ANXA6: variants seen among roughly 807,000 people sequenced by gnomAD.
ANXA6 encodes the protein annexin A6, also known as 67 kDa calelectrin.
ANXA6 carries 71 observed loss-of-function variants against 95.4 expected under a neutral mutation model. That is an observed-to-expected ratio of 0.74 (90% CI 0.61 to 0.91). The LOEUF is 0.91. Among genes scored for constraint, ANXA6 ranks in the 40% least tolerant of loss-of-function variants. The pLI, the probability that ANXA6 is intolerant of heterozygous loss-of-function variation, is 0.00. For synonymous variants in ANXA6, 289 were observed against 315.9 expected (o/e 0.91, Z 0.90); for missense variants, 830 against 876.4 (o/e 0.95, Z 0.67).
rs182245079 is a variant in ANXA6 at position 151,152,460 on chromosome 5, G to C, written c.-25-4534C>G. On this transcript the variant is annotated intron_variant, in intron 1 of 25. Transcript: ENST00000354546. ...CAAGTTATGGAATTTCTCTGCCTCA[G>C]TTTCTTCATCCTGAAATGACCCTCT... Among the ~76,000 whole-genome samples the C allele has an allele frequency of 1.3e-3, 195 of 152,300 alleles. 2 individuals carry two copies. The highest frequency in any genetic ancestry group is 1.9e-3 in the Non-Finnish European group (131 of 68,024).
chr5:151,113,442 G>T (rs7735767), intron 20 of ANXA6, among the ~76,000 whole-genome samples: 11,541 of 152,070 alleles, frequency 0.076, 541 homozygotes, highest in South Asian at 0.16. Flanking sequence ...TGGTAAAGTT[G>T]ATATGTATTT....
At chr5:151,113,604 T>A (rs1764914412) in intron 20 of ANXA6, among the ~76,000 whole-genome samples, 1 of 152,028 alleles carries the variant, frequency 6.6e-6, no homozygotes, top group African/African-American at 2.4e-5. Flanking sequence ...ACATACTCGG[T>A]TTTTCAAAGC....
At chr5:151,139,562 C>A in intron 3 of ANXA6, 115 bp from the exon 4 acceptor site, 3 of 720,906 alleles carry the variant, frequency 4.2e-6, no homozygotes, top group South Asian at 3.0e-5. Flanking sequence ...TCAGCATGAG[C>A]CTTCCACTCA....
chr5:151,133,225 A>G (rs1008482100), intron 8 of ANXA6, 38 bp from the exon 9 acceptor site: 3 of 1,467,122 alleles, frequency 2.0e-6, no homozygotes, highest in South Asian at 1.2e-5. Flanking sequence ...GAAAGAGGAA[A>G]CCTCAGGAGA....
intron 12 of ANXA6, among the ~76,000 whole-genome samples, chr5:151,128,609 A>C (rs1765398233): frequency 6.6e-6 from 1 of 152,224 alleles, no homozygotes; most frequent in East Asian, 1.9e-4. Flanking sequence ...TCCACATGAA[A>C]TATGCATGGA....
At chr5:151,131,150 G>T in intron 11 of ANXA6, 81 bp downstream of exon 11, 1 of 1,473,168 alleles carries the variant, frequency 6.8e-7, no homozygotes, top group Non-Finnish European at 9.5e-7. Flanking sequence ...GGCTCTCTTT[G>T]GCCACTGGAT....
intron 25 of ANXA6, 134 bp from the exon 26 acceptor site, chr5:151,101,641 T>A: frequency 1.3e-6 from 1 of 767,742 alleles, no homozygotes. Flanking sequence ...ATGCCACATG[T>A]AGGCTACTGG....
rs1161768651 is a variant in ANXA6 at position 151,136,314 on chromosome 5, G to C, written c.431C>G (p.Ala144Gly). Residue 144 changes from alanine to glycine, a missense_variant, in exon 7 of 26, where the codon GCT (alanine) becomes GGT (glycine). Physicochemically the swap from Ala to Gly is moderately conservative, Grantham distance 60 (BLOSUM62 0). Coordinates refer to ENST00000354546, the MANE Select transcript of ANXA6 (RefSeq NM_001155.5). Reference sequence around the variant, plus strand: ...GCCAGAGGTGTCGCCGATGATGTCAGCCTCCAGGTCCCGCTCGTAGGCTGC... The same window carrying C: ...GCCAGAGGTGTCGCCGATGATGTCACCCTCCAGGTCCCGCTCGTAGGCTGC... ...YKDAYERDLE[A>G]DIIGDTSGHF... 1 of 1,613,928 alleles carries C rather than the reference G, an allele frequency of 6.2e-7. No homozygotes were observed. The highest frequency in any genetic ancestry group is 1.7e-5 in the Admixed American group (1 of 60,024).
intron 1 of ANXA6, among the ~76,000 whole-genome samples, chr5:151,153,777 A>G (rs558775762): frequency 1.3e-5 from 2 of 152,304 alleles, no homozygotes; most frequent in Non-Finnish European, 2.9e-5. Context: ...TTTTGTCTCT[A>G]ATTGCACATT....
rs186458377 is a variant in ANXA6 at position 151,125,528 on chromosome 5, G to T, written c.1056+874C>A. 1.7e-3 allele frequency among the ~76,000 whole-genome samples: 266 copies of T among 152,228 alleles called. 2 individuals are homozygous for T. Among genetic ancestry groups the T allele is most frequent in the Admixed American group, 3.0e-3 (46 of 15,282 alleles). On this transcript the variant is annotated intron_variant, in intron 14 of 25. Transcript: ENST00000354546. ...CTTGCCAGAAGCTCTGAAACTTAAA[G>T]CGAGCTCTCTCAGCTTTCTCTTTGT...
chr5:151,100,959 C>T lies in ANXA6; in HGVS notation c.*489G>A, dbSNP rs11960458. ...AAATTCCTGGTCCAGTACTCTAGCG[C>T]GGCCTGGATGGAGATGGGTGGTGAA... On this transcript the variant is annotated 3_prime_UTR_variant, in exon 26 of 26. Coordinates refer to ENST00000354546, the MANE Select transcript of ANXA6 (RefSeq NM_001155.5). The T allele has an allele frequency of 0.22, 99,281 of 456,712 alleles. 12,618 individuals are homozygous for T. The highest frequency in any genetic ancestry group is 0.43 in the East Asian group (6,152 of 14,418). 28.3% of individuals were successfully genotyped at this position (456,712 alleles called of 1,614,324 possible).
chr5:151,114,613 TAAAAAAAAAAA>T lies in ANXA6; in HGVS notation c.1572+2503_1572+2513del, dbSNP rs61407672. On this transcript the variant is annotated intron_variant, in intron 20 of 25. Transcript: ENST00000354546. ...TGGGCAACAGAGCGAGACTCCGTCT[TAAAAAAAAAAA>T]AAAAAAAAAAAAAAAAAAAAAGTCT... 7.0e-3 allele frequency among the ~76,000 whole-genome samples: 489 copies of T among 70,322 alleles called. 7 individuals carry two copies. Among genetic ancestry groups the T allele is most frequent in the African/African-American group, 0.024 (458 of 18,964 alleles). 46.1% of individuals were successfully genotyped at this position (70,322 alleles called of 152,430 possible).
chr5:151,126,717 A>G (rs1581997281), intron 13 of ANXA6, among the ~76,000 whole-genome samples: 1 of 107,166 alleles, frequency 9.3e-6, no homozygotes, highest in East Asian at 2.8e-4. Flanking sequence ...TGCCTTTTTT[A>G]TTTTTTATTT....
chr5:151,142,309 T>C (rs10454994), intron 2 of ANXA6, among the ~76,000 whole-genome samples: 68,420 of 151,908 alleles, frequency 0.45, 16,813 homozygotes, highest in East Asian at 0.72. Flanking sequence ...GAAACCCTGT[T>C]TCAGCTAAAA....
In ANXA6 at chr5:151,117,184, C is replaced by A. The variant is rs1765025522; in HGVS notation, c.1519-4G>T. 3 of 1,588,772 alleles carry A rather than the reference C, an allele frequency of 1.9e-6. No homozygotes were observed. The highest frequency in any genetic ancestry group is 2.6e-6 in the Non-Finnish European group (3 of 1,165,134). On this transcript the variant is annotated splice_region_variant and splice_polypyrimidine_tract_variant and intron_variant, in intron 19 of 25. Transcript: ENST00000354546. ...CTCCTCCCTCCTCACGATGCCCCTG[C>A]AGCAGGAGCAGCAAGAAAGTTCAGT...
Position 151,101,250 on chromosome 5 carries a change from G to A in ANXA6, c.*198C>T, listed in dbSNP as rs377746514. The stretch of plus-strand genomic sequence containing the variant: ...GATCTATGGCTACGGTTTTTCAGCC[G>A]CTCAGCCGTGCTGGGCCCTCGATGG... On this transcript the variant is annotated 3_prime_UTR_variant, in exon 26 of 26. Coordinates refer to ENST00000354546, the MANE Select transcript of ANXA6 (RefSeq NM_001155.5). 26 of 627,414 alleles carry A rather than the reference G, an allele frequency of 4.1e-5. No homozygotes were observed. Among genetic ancestry groups the A allele is most frequent in the South Asian group, 1.9e-5 (1 of 53,756 alleles). 38.9% of individuals were successfully genotyped at this position (627,414 alleles called of 1,614,324 possible). A position where few individuals can be genotyped will look rare whatever the true frequency, so the allele number is the denominator to read the frequency against.
chr5:151,137,742 T>G (rs1765709604), intron 5 of ANXA6, among the ~76,000 whole-genome samples: 1 of 152,092 alleles, frequency 6.6e-6, no homozygotes. Flanking sequence ...CCTCTTTGCC[T>G]TCTGCCAAGA....
intron 12 of ANXA6, 87 bp from the exon 13 acceptor site, chr5:151,128,326 A>G: frequency 8.7e-7 from 1 of 1,155,454 alleles, no homozygotes; most frequent in Non-Finnish European, 1.3e-6. Flanking sequence ...AGCCTGAAAG[A>G]GGGGAAGGCT....
In ANXA6 at chr5:151,101,330, A is replaced by ACCCCCCCCCCCCCCCCCCCCCCCCCC; in HGVS notation, c.*117_*118insGGGGGGGGGGGGGGGGGGGGGGGGGG. On this transcript the variant is annotated 3_prime_UTR_variant, in exon 26 of 26. Transcript: ENST00000354546. ...CCACTGAAGATAAGAGCCCAACCCA[A>ACCCCCCCCCCCCCCCCCCCCCCCCCC]CCCCTCCCCCCACCCCTGCCCCTTC... is the stretch of plus-strand genomic sequence containing the variant. 2.6e-6 allele frequency: 1 copy of ACCCCCCCCCCCCCCCCCCCCCCCCCC among 385,870 alleles called. No individual in the cohort carries two copies. Among genetic ancestry groups the ACCCCCCCCCCCCCCCCCCCCCCCCCC allele is most frequent in the Non-Finnish European group, 5.2e-6 (1 of 190,630 alleles). The allele number at this position is 385,870 out of a possible 1,614,324, so 23.9% of individuals were successfully genotyped here.
Sources: allele counts gnomAD v4.1 joint callset (sites outside exome capture counted in the v4.1 genomes callset), GRCh38; gene constraint gnomAD v4.1.1; transcripts MANE v1.5; gene names NCBI Gene and HGNC (gene_info 2026-07-23, HGNC 2026-07-21).